The following LIPA variants were observed in gnomAD, a reference collection of about 807,000 sequenced individuals.
LIPA encodes the protein lysosomal acid lipase/cholesteryl ester hydrolase.
Under a neutral mutation model 40.6 loss-of-function variants are expected in LIPA, and 26 were observed. That is an observed-to-expected ratio of 0.64 (90% CI 0.47 to 0.89). The LOEUF is 0.89. LIPA is among the 40% of genes least tolerant of loss of function. The pLI is 0.00. For missense variants in LIPA, 455 were observed against 479.6 expected (o/e 0.95, Z 0.48); for synonymous variants, 188 against 168.4 (o/e 1.12, Z -0.90).
upstream of LIPA, among the ~76,000 whole-genome samples, chr10:89,347,291 G>C (rs968343874): frequency 6.6e-6 from 1 of 152,196 alleles, no homozygotes; most frequent in Non-Finnish European, 1.5e-5. Context: ...GTGTGCCCAA[G>C]GGTTTTACTG....
At chr10:89,344,534 A>G (rs538873334), upstream of LIPA, among the ~76,000 whole-genome samples, 39 of 152,308 alleles carry the variant, frequency 2.6e-4, 1 homozygote, top group South Asian at 7.9e-3. Context: ...GGGAGGAAAA[A>G]AAGTCATTGA....
chr10:89,234,631 C>CAA (rs1458259853), intron 3 of LIPA, among the ~76,000 whole-genome samples: 12 of 152,204 alleles, frequency 7.9e-5, no homozygotes, highest in African/African-American at 2.9e-4. Context: ...TCACCTGCTC[C>CAA]CACCAGGGGG....
intron 2 of LIPA, among the ~76,000 whole-genome samples, chr10:89,372,160 A>G (rs965377914): frequency 3.9e-5 from 6 of 152,214 alleles, no homozygotes; most frequent in Non-Finnish European, 7.4e-5. Context: ...ACCGTTGCAC[A>G]TTCTGTCTTA....
rs1842756268 is a variant in LIPA, at chr10:89,225,325, G to A, written c.539-97C>T. On this transcript the variant is annotated intron_variant, in intron 5 of 9. Transcript: ENST00000336233. ...TCACTCGCGACGCCCTCTCGCGGAG[G>A]CCTGAGACCCACGCAAACAATACCA... 5 of 1,451,122 alleles carry A rather than the reference G, an allele frequency of 3.4e-6. No individual in the cohort carries two copies. The East Asian group carries it at 1.1e-4, about 33-fold the overall frequency. 89.9% of individuals were successfully genotyped at this position (1,451,122 alleles called of 1,614,324 possible).
intron 1 of LIPA, chr10:89,306,960 G>A (rs745389813): frequency 2.2e-5 from 35 of 1,613,984 alleles, no homozygotes; most frequent in South Asian, 1.4e-4. Flanking sequence ...AATCTCTTCC[G>A]TGTCTGTTCC....
intron 2 of LIPA, among the ~76,000 whole-genome samples, chr10:89,374,200 T>C (rs1844107983): frequency 6.6e-6 from 1 of 152,246 alleles, no homozygotes; most frequent in Non-Finnish European, 1.5e-5. Flanking sequence ...CAGAGCTGGT[T>C]CTGGAATGTT....
intron 1 of LIPA, among the ~76,000 whole-genome samples, chr10:89,272,812 C>T (rs1211541406): frequency 6.6e-6 from 1 of 152,238 alleles, no homozygotes; most frequent in African/African-American, 2.4e-5. Flanking sequence ...GATGATATTT[C>T]ATTGTGGTTT....
rs1391412855 is a variant in LIPA at position 89,223,833 on chromosome 10, A to G, written c.676-3T>C. ...AATTCTTTGTCTCCAAATAAGTCCT[A>G]CAAAATAAAAAGAAACCCAAGAACA... is the stretch of plus-strand genomic sequence containing the variant. On this transcript the variant is annotated splice_polypyrimidine_tract_variant and splice_region_variant and intron_variant, in intron 6 of 9. Transcript: ENST00000336233. The G allele has an allele frequency of 1.9e-6, 3 of 1,613,950 alleles. No individual in the cohort carries two copies. Among genetic ancestry groups the G allele is most frequent in the East Asian group, 4.5e-5 (2 of 44,904 alleles).
chr10:89,248,602 G>T (rs1344752523), intron 1 of LIPA, among the ~76,000 whole-genome samples: 1 of 150,878 alleles, frequency 6.6e-6, no homozygotes, highest in South Asian at 2.1e-4. Flanking sequence ...AGACTCCCAG[G>T]TAGCTGGGAC....
chr10:89,244,569 C>T (rs774594350), intron 3 of LIPA, among the ~76,000 whole-genome samples: 2 of 151,812 alleles, frequency 1.3e-5, no homozygotes. Flanking sequence ...GCAACAAGAC[C>T]GAAAATCCGT....
At chr10:89,302,010 C>A in intron 1 of LIPA, 1 of 1,095,468 alleles carries the variant, frequency 9.1e-7, no homozygotes. Flanking sequence ...AACCAGAGGC[C>A]ACTTGTATAT....
chr10:89,399,480 T>C (rs1300658972), intron 2 of LIPA, among the ~76,000 whole-genome samples: 6 of 152,182 alleles, frequency 3.9e-5, no homozygotes, highest in Non-Finnish European at 4.4e-5. Context: ...AGCTTTTTCC[T>C]TTCTTCTGAG....
chr10:89,405,697 C>T (rs1419320384), intron 2 of LIPA: 1 of 152,258 alleles, frequency 6.6e-6, no homozygotes, highest in Non-Finnish European at 1.5e-5. Flanking sequence ...ATCTCTCTCT[C>T]TGCTTCCTTC....
At chr10:89,326,607 C>T (rs775216908) in intron 1 of LIPA, among the ~76,000 whole-genome samples, 8 of 152,056 alleles carry the variant, frequency 5.3e-5, no homozygotes, top group Non-Finnish European at 1.2e-4. Flanking sequence ...GTTTGTAATA[C>T]AAAGAATAAA....
intron 2 of LIPA, among the ~76,000 whole-genome samples, chr10:89,380,271 G>T (rs1844153518): frequency 6.6e-6 from 1 of 152,082 alleles, no homozygotes; most frequent in Non-Finnish European, 1.5e-5. Context: ...AGGGACAGAG[G>T]AGCAGATTGA....
At chr10:89,320,383 A>T (rs967455818) in intron 1 of LIPA, among the ~76,000 whole-genome samples, 9 of 152,326 alleles carry the variant, frequency 5.9e-5, no homozygotes, top group Admixed American at 1.3e-4. Flanking sequence ...CAGGATCCAA[A>T]ATCAATGTGC....
rs1212946207 is a variant in LIPA at position 89,214,486 on chromosome 10, T to C, written c.*342A>G. On this transcript the variant is annotated 3_prime_UTR_variant, in exon 10 of 10. Transcript: ENST00000336233. ...CAATTTTAAAATTCCAACACATATATTACTTTGTCCTATGAAGGGCAAAAA... is the reference window on the plus strand; with the variant it reads ...CAATTTTAAAATTCCAACACATATACTACTTTGTCCTATGAAGGGCAAAAA... 3 of 221,236 alleles carry C rather than the reference T, an allele frequency of 1.4e-5. No individual in the cohort carries two copies. The highest frequency in any genetic ancestry group is 2.7e-5 in the Non-Finnish European group (3 of 109,828). The allele number at this position is 221,236 out of a possible 1,614,324, so 13.7% of individuals were successfully genotyped here.
chr10:89,392,972 G>A (rs1020510357), intron 2 of LIPA: 19 of 669,070 alleles, frequency 2.8e-5, no homozygotes, highest in Non-Finnish European at 4.3e-5. Context: ...AGAAGGGGAG[G>A]GAAATGGGAA....
chr10:89,324,059 A>G (rs538315810), intron 1 of LIPA, among the ~76,000 whole-genome samples: 6 of 152,302 alleles, frequency 3.9e-5, no homozygotes, highest in African/African-American at 1.2e-4. Context: ...ATAGCATGGT[A>G]CTGGTACAAA....
Sources: gnomAD v4.1 joint callset for allele counts (sites outside exome capture counted in the v4.1 genomes callset) on GRCh38, gnomAD v4.1.1 for gene constraint, MANE v1.5 for transcripts, NCBI Gene and HGNC (gene_info 2026-07-23, HGNC 2026-07-21) for gene names.